TRAK1: variants seen among roughly 807,000 people sequenced by gnomAD.
TRAK1 encodes the protein trafficking kinesin-binding protein 1.
Under a neutral mutation model 92.1 loss-of-function variants are expected in TRAK1, and 33 were observed. That is an observed-to-expected ratio of 0.36 (90% CI 0.27 to 0.48). The LOEUF (loss-of-function observed/expected upper bound fraction) is 0.48, where lower values mean the gene tolerates loss of function less well. Ranked by LOEUF, TRAK1 falls within the 20% of genes least tolerant of loss-of-function variation. TRAK1 has a pLI of 0.99. For missense variants in TRAK1, 1,123 were observed against 1,257.9 expected (o/e 0.89, Z 1.62); for synonymous variants, 521 against 517.3 (o/e 1.01, Z -0.10).
chr3:42,132,867 C>T (rs941895662), intron 2 of TRAK1, among the ~76,000 whole-genome samples: 9 of 152,198 alleles, frequency 5.9e-5, no homozygotes, highest in Non-Finnish European at 1.2e-4. Flanking sequence ...AGATTATTAA[C>T]TCATCCATTG....
At chr3:42,085,853 A>G (rs1398668071), upstream of TRAK1, among the ~76,000 whole-genome samples, 1 of 152,236 alleles carries the variant, frequency 6.6e-6, no homozygotes, top group Non-Finnish European at 1.5e-5. Context: ...CCACACGGAT[A>G]TGAAAGTTCC....
intron 1 of TRAK1, among the ~76,000 whole-genome samples, chr3:42,073,435 C>T (rs1704021256): frequency 6.6e-6 from 1 of 152,336 alleles, no homozygotes; most frequent in South Asian, 2.1e-4. Flanking sequence ...CCCAGTCCTA[C>T]ATCTACAATT....
At chr3:42,196,996 TCTCTCTCACA>T (rs1173999438) in intron 10 of TRAK1, among the ~76,000 whole-genome samples, 1 of 92,648 alleles carries the variant, frequency 1.1e-5, no homozygotes, top group Non-Finnish European at 2.1e-5. Context: ...TCTCTCTCTC[TCTCTCTCACA>T]CACACACACA....
intron 1 of TRAK1, among the ~76,000 whole-genome samples, chr3:42,018,938 A>G (rs533582621): frequency 2.6e-5 from 4 of 152,292 alleles, no homozygotes; most frequent in Non-Finnish European, 5.9e-5. Flanking sequence ...CCTGGCCAAC[A>G]TGGTGAAACC....
At chr3:42,125,941 C>T (rs1710503914) in intron 2 of TRAK1, among the ~76,000 whole-genome samples, 1 of 150,210 alleles carries the variant, frequency 6.7e-6, no homozygotes, top group Non-Finnish European at 1.5e-5. Flanking sequence ...ACCTCTGCCT[C>T]CTGGGTTCAA....
intron 9 of TRAK1, among the ~76,000 whole-genome samples, chr3:42,194,102 A>C (rs951560898): frequency 1.3e-5 from 2 of 152,164 alleles, no homozygotes; most frequent in African/African-American, 4.8e-5. Flanking sequence ...CCTGTGTGGC[A>C]GGGCTCTACA....
At chr3:42,192,780 G>A (rs973440829) in intron 7 of TRAK1, among the ~76,000 whole-genome samples, 13 of 152,182 alleles carry the variant, frequency 8.5e-5, no homozygotes, top group Non-Finnish European at 1.8e-4. Flanking sequence ...GAGCCTTCCT[G>A]ATTTGTTCTG....
At chr3:42,218,630 G>C (rs1052333378) in intron 14 of TRAK1, 10 of 985,072 alleles carry the variant, frequency 1.0e-5, no homozygotes, top group South Asian at 4.7e-5. Context: ...GCTTTCTCAT[G>C]CATGGTCCTA....
chr3:42,027,415 C>T (rs751539526), intron 1 of TRAK1, among the ~76,000 whole-genome samples: 11 of 151,570 alleles, frequency 7.3e-5, no homozygotes, highest in African/African-American at 1.2e-4. Context: ...CCCAGCTACT[C>T]GGGAGGCTGA....
chr3:42,074,556 G>T (rs1031488606), intron 1 of TRAK1, among the ~76,000 whole-genome samples: 1 of 152,178 alleles, frequency 6.6e-6, no homozygotes, highest in African/African-American at 2.4e-5. Context: ...GTGACTGTCT[G>T]CAAGTTAGCT....
intron 6 of TRAK1, among the ~76,000 whole-genome samples, chr3:42,190,748 GCCTCTTTCTCTC>G (rs1271824555): frequency 3.3e-5 from 5 of 150,884 alleles, no homozygotes; most frequent in African/African-American, 7.3e-5. Flanking sequence ...TGCTTGCTTT[GCCTCTTTCTCTC>G]CCTCTTTCTC....
intron 1 of TRAK1, among the ~76,000 whole-genome samples, chr3:42,115,244 C>T (rs893247360): frequency 5.3e-5 from 8 of 152,138 alleles, no homozygotes; most frequent in Non-Finnish European, 1.0e-4. Context: ...ACACTAATAA[C>T]CTGTACTGTA....
chr3:42,152,882 C>G (rs1297296533), intron 2 of TRAK1, among the ~76,000 whole-genome samples: 1 of 152,130 alleles, frequency 6.6e-6, no homozygotes, highest in African/African-American at 2.4e-5. Context: ...CTGTTTTGTA[C>G]TTCATGTGGC....
At chr3:42,038,660 C>A (rs1317535544) in intron 1 of TRAK1, among the ~76,000 whole-genome samples, 1 of 151,714 alleles carries the variant, frequency 6.6e-6, no homozygotes, top group Non-Finnish European at 1.5e-5. Context: ...TGGTGGCGGG[C>A]GCCTGTAATC....
intron 1 of TRAK1, among the ~76,000 whole-genome samples, chr3:42,063,121 C>T (rs187496832): frequency 2.0e-5 from 3 of 152,216 alleles, no homozygotes; most frequent in Non-Finnish European, 2.9e-5. Flanking sequence ...CATCCCACCG[C>T]CTGCTGTTAT....
rs142136548 is a variant in TRAK1, at chr3:42,136,041, C to T, written c.286+10427C>T. Among the ~76,000 whole-genome samples, 21 of 152,278 alleles carry T rather than the reference C, an allele frequency of 1.4e-4. No homozygotes were observed. The East Asian group carries it at 4.1e-3, about 29-fold the overall frequency. On this transcript the variant is annotated intron_variant, in intron 2 of 15. Coordinates refer to ENST00000327628, the MANE Select transcript of TRAK1 (RefSeq NM_001042646.3). ...GTGCCTTCCCCTGTTCTCCTAAATC[C>T]ATCGATGCTAAGTTTGTACCTCAGT...
At chr3:42,046,737 G>A (rs1183857929) in intron 1 of TRAK1, among the ~76,000 whole-genome samples, 1 of 152,158 alleles carries the variant, frequency 6.6e-6, no homozygotes. Context: ...AGAATTTATA[G>A]TACTTGCTTT....
At chr3:42,098,889 G>T (rs946602444) in intron 1 of TRAK1, among the ~76,000 whole-genome samples, 1 of 152,080 alleles carries the variant, frequency 6.6e-6, no homozygotes, top group African/African-American at 2.4e-5. Flanking sequence ...AGTGAGGGAG[G>T]CCGAGCCTTA....
At chr3:42,138,093 A>G (rs1043548376) in intron 2 of TRAK1, among the ~76,000 whole-genome samples, 3 of 152,190 alleles carry the variant, frequency 2.0e-5, no homozygotes, top group African/African-American at 7.2e-5. Context: ...TTTTATAGAA[A>G]TTGTAGTGTG....
Sources: gnomAD v4.1 joint callset for allele counts (sites outside exome capture counted in the v4.1 genomes callset) on GRCh38, gnomAD v4.1.1 for gene constraint, MANE v1.5 for transcripts, NCBI Gene and HGNC (gene_info 2026-07-23, HGNC 2026-07-21) for gene names.